The following CRYBG3 variants were observed in gnomAD, a reference collection of about 807,000 sequenced individuals.
The protein encoded by CRYBG3 is very large A-kinase anchor protein.
CRYBG3 carries 127 observed loss-of-function variants against 244.2 expected under a neutral mutation model. The ratio of observed to expected loss-of-function variants is 0.52; its 90% CI spans 0.45 to 0.60. The LOEUF (loss-of-function observed/expected upper bound fraction) is 0.60, where lower values mean the gene tolerates loss of function less well. Among genes scored for constraint, CRYBG3 ranks in the 20% least tolerant of loss-of-function variants. The probability of loss-of-function intolerance (pLI) is 0.00; values close to 1 mark genes in which losing one functional copy is unlikely to be tolerated. For synonymous variants in CRYBG3, 1,132 were observed against 1,195.8 expected (o/e 0.95, Z 1.10); for missense variants, 3,325 against 3,442.5 (o/e 0.97, Z 0.85).
At chr3:97,828,841 A>T (rs951053411) in intron 1 of CRYBG3, among the ~76,000 whole-genome samples, 8 of 151,688 alleles carry the variant, frequency 5.3e-5, no homozygotes, top group African/African-American at 1.7e-4. Flanking sequence ...AAAAAAAAAA[A>T]AAAATAACAA....
intron 7 of CRYBG3, 113 bp from the exon 8 acceptor site, chr3:97,886,518 T>C: frequency 1.3e-6 from 1 of 743,980 alleles, no homozygotes; most frequent in Non-Finnish European, 2.0e-6. Context: ...GTTTTCTTTG[T>C]GAAGAAATTC....
intron 3 of CRYBG3, among the ~76,000 whole-genome samples, chr3:97,866,767 A>G (rs1315606046): frequency 1.3e-5 from 2 of 152,090 alleles, no homozygotes; most frequent in Non-Finnish European, 2.9e-5. Flanking sequence ...CCTCTTATTT[A>G]TTGTTACTAA....
rs187199224 is a variant in CRYBG3, at chr3:97,926,913, C to G, written c.8242-6781C>G. On this transcript the variant is annotated intron_variant, in intron 17 of 21. Coordinates refer to ENST00000389622, the MANE Select transcript of CRYBG3 (RefSeq NM_153605.4). ...ATTACAGAACACTGCTGAAAGAACT[C>G]AGAGACAACACAAACAAAGGGAAAC... Among the ~76,000 whole-genome samples, 65 of 151,900 alleles carry G rather than the reference C, an allele frequency of 4.3e-4. 1 individual carries two copies. The highest frequency in any genetic ancestry group is 2.7e-3 in the Admixed American group (41 of 15,212).
intron 2 of CRYBG3, among the ~76,000 whole-genome samples, chr3:97,848,057 A>G (rs1247486661): frequency 6.6e-6 from 1 of 152,232 alleles, no homozygotes. Context: ...CTTTACATTA[A>G]TGCCCGTATT....
intron 2 of CRYBG3, among the ~76,000 whole-genome samples, chr3:97,845,674 C>A (rs562949302): frequency 6.6e-6 from 1 of 152,272 alleles, no homozygotes; most frequent in South Asian, 2.1e-4. Context: ...CCCTCAAGCC[C>A]CCATCTTGAC....
At chr3:97,927,603 G>A (rs1490394793) in intron 17 of CRYBG3, among the ~76,000 whole-genome samples, 1 of 151,996 alleles carries the variant, frequency 6.6e-6, no homozygotes, top group Non-Finnish European at 1.5e-5. Context: ...CACAGCAAAA[G>A]AAACTATCAA....
rs993607706 is a variant in CRYBG3, at chr3:97,873,382, T to G, written c.2188T>G (p.Phe730Val). ...TTGCCTTGAATATACATCTGCAATT[T>G]TTGAATTCAAAGAAGTTCTTTCTAA... ...SFCLEYTSAI[F>V]EFKEVLSNSE... is the part of the protein sequence containing the mutation. The change falls in exon 4 of 22, where the codon TTT becomes GTT. Residue 730 changes from phenylalanine (F) to valine (V), a missense_variant. Around this residue, in one of 4 missense-constraint regions of CRYBG3, gnomAD observed 1,526 missense variants for 1,443.2 expected, o/e 1.06. Coordinates refer to ENST00000389622, the MANE Select transcript of CRYBG3 (RefSeq NM_153605.4). The G allele has an allele frequency of 6.5e-7, 1 of 1,535,830 alleles. No homozygotes were observed. The highest frequency in any genetic ancestry group is 1.2e-5 in the South Asian group (1 of 83,996).
intron 17 of CRYBG3, among the ~76,000 whole-genome samples, chr3:97,927,196 A>G (rs953758199): frequency 1.3e-5 from 2 of 152,150 alleles, no homozygotes; most frequent in Non-Finnish European, 2.9e-5. Flanking sequence ...CCAAAACAGC[A>G]TGATACTGGT....
In CRYBG3 at chr3:97,877,861, T is replaced by C. The variant is rs2039399975; in HGVS notation, c.6667T>C (p.Ser2223Pro). ...AGAAAAGACCTCGTTTCTCCAGAAA[T>C]CTGACCTTACTTCTAAACTACATTC... ...WPEKTSFLQK[S>P]DLTSKLHSSL... The change falls in exon 4 of 22, where the codon TCT becomes CCT. Residue 2223 changes from serine (S) to proline (P), a missense_variant. Ser to Pro is a moderately conservative substitution (Grantham distance 74). Transcript: ENST00000389622. The C allele has an allele frequency of 3.1e-6, 5 of 1,614,096 alleles. No individual in the cohort carries two copies. The highest frequency in any genetic ancestry group is 4.2e-6 in the Non-Finnish European group (5 of 1,180,002).
At position 97,877,044 on chromosome 3, in the gene CRYBG3, A is replaced by C; in HGVS notation, c.5850A>C (p.Pro1950=). ...AGGGCTACCCAGCCCCAGCAATGCC[A>C]GATTTTCAACCTGGGGATACCACAG... ...DYEGYPAPAM[P]DFQPGDTTVR... The change falls in exon 4 of 22, where the codon CCA becomes CCC. Residue 1950 remains proline (P), a synonymous_variant. Coordinates refer to ENST00000389622, the MANE Select transcript of CRYBG3 (RefSeq NM_153605.4). 1 of 1,588,560 alleles carries C rather than the reference A, an allele frequency of 6.3e-7. No homozygotes were observed. The highest frequency in any genetic ancestry group is 8.6e-7 in the Non-Finnish European group (1 of 1,167,220).
At chr3:97,836,008 C>T (rs2038727959) in intron 1 of CRYBG3, among the ~76,000 whole-genome samples, 1 of 152,098 alleles carries the variant, frequency 6.6e-6, no homozygotes, top group South Asian at 2.1e-4. Flanking sequence ...AGCTCAGGCA[C>T]ACCTCAGACG....
At chr3:97,900,398 CA>C in intron 14 of CRYBG3, 54 bp from the exon 15 acceptor site, 4 of 1,138,276 alleles carry the variant, frequency 3.5e-6, no homozygotes, top group Non-Finnish European at 5.0e-6. Context: ...TCAAAACTTT[CA>C]AAAAGACAGA....
At chr3:97,923,870 C>A (rs1279522042) in intron 17 of CRYBG3, among the ~76,000 whole-genome samples, 1 of 152,028 alleles carries the variant, frequency 6.6e-6, no homozygotes, top group Non-Finnish European at 1.5e-5. Context: ...ATATGGTCTT[C>A]CCCAAATTAA....
intron 17 of CRYBG3, among the ~76,000 whole-genome samples, chr3:97,927,805 A>C (rs1377161623): frequency 6.6e-6 from 1 of 152,126 alleles, no homozygotes; most frequent in Non-Finnish European, 1.5e-5. Flanking sequence ...ATATGAAAAA[A>C]TGCTCAACAT....
chr3:97,857,373 T>A (rs967598956), intron 2 of CRYBG3, among the ~76,000 whole-genome samples: 42 of 152,040 alleles, frequency 2.8e-4, no homozygotes, highest in Non-Finnish European at 5.3e-4. Context: ...GTTGTATAAA[T>A]GTTTGTTAGG....
At chr3:97,926,981 G>A (rs1394590254) in intron 17 of CRYBG3, among the ~76,000 whole-genome samples, 1 of 151,938 alleles carries the variant, frequency 6.6e-6, no homozygotes, top group African/African-American at 2.4e-5. Context: ...CATTAAAATG[G>A]CCATACTGCC....
In CRYBG3 at chr3:97,941,316, C is replaced by T; in HGVS notation, c.8664+10C>T. On this transcript the variant is annotated intron_variant, in intron 20 of 21. Coordinates refer to ENST00000389622, the MANE Select transcript of CRYBG3 (RefSeq NM_153605.4). ...ACTCTTTAAATCCAAGGTAAGCAAT[C>T]CCACTGATACAGTATGCCACTTTCT... 1 of 1,583,026 alleles carries T rather than the reference C, an allele frequency of 6.3e-7. No individual in the cohort carries two copies. The highest frequency in any genetic ancestry group is 8.6e-7 in the Non-Finnish European group (1 of 1,161,754).
At chr3:97,884,580 C>A (rs897699868) in intron 7 of CRYBG3, among the ~76,000 whole-genome samples, 1 of 152,174 alleles carries the variant, frequency 6.6e-6, no homozygotes, top group Non-Finnish European at 1.5e-5. Flanking sequence ...CGAAAGTATA[C>A]AAGGAAGCCA....
rs1175787372 is a variant in CRYBG3, at chr3:97,943,323, AC to A, written c.*10del. The stretch of plus-strand genomic sequence containing the variant: ...ACATTGAAATATTGTGAGAGAATCA[AC>A]ATCCCTAGAAAGATCCCTAGAAAGA... On this transcript the variant is annotated 3_prime_UTR_variant, in exon 22 of 22. Transcript: ENST00000389622. The A allele has an allele frequency of 6.8e-7, 1 of 1,465,034 alleles. No homozygotes were observed. The highest frequency in any genetic ancestry group is 9.6e-7 in the Non-Finnish European group (1 of 1,047,072). 90.8% of individuals were successfully genotyped at this position (1,465,034 alleles called of 1,614,324 possible).
Sources: allele counts gnomAD v4.1 joint callset (sites outside exome capture counted in the v4.1 genomes callset), GRCh38; gene constraint gnomAD v4.1.1; regional missense constraint gnomAD v4.1.1; transcripts MANE v1.5; gene names NCBI Gene and HGNC (gene_info 2026-07-23, HGNC 2026-07-21).